Variants in GNL3 observed in about 807,000 individuals in gnomAD.
The protein encoded by GNL3 is G protein nucleolar 3.
A neutral mutation model predicts 70.6 loss-of-function variants in GNL3; 77 were observed. The ratio of observed to expected loss-of-function variants is 1.09; its 90% CI spans 0.91 to 1.32. The LOEUF (loss-of-function observed/expected upper bound fraction) is 1.32, where lower values mean the gene tolerates loss of function less well. Among genes scored for constraint, GNL3 ranks in the 40% most tolerant of loss-of-function variants. GNL3 has a pLI of 0.00. For synonymous variants in GNL3, 252 were observed against 216.1 expected, an observed-to-expected ratio of 1.17 and a Z score of -1.46; for missense variants, 634 against 644.0, an observed-to-expected ratio of 0.98 and a Z score of 0.17.
intron 4 of GNL3, 104 bp from the exon 5 acceptor site, chr3:52,688,005 C>T: frequency 2.7e-6 from 2 of 729,174 alleles, no homozygotes; most frequent in South Asian, 1.5e-5. Flanking sequence ...TCCATCTTAC[C>T]TATTTAACAA....
chr3:52,688,018 G>A (rs1578573017), intron 4 of GNL3, 91 bp from the exon 5 acceptor site: 2 of 771,492 alleles, frequency 2.6e-6, no homozygotes, highest in East Asian at 4.9e-5. Flanking sequence ...TTTAACAACT[G>A]CAAGGGCTGC....
chr3:52,687,906 G>C (rs2154099426), intron 4 of GNL3: 1 of 597,362 alleles, frequency 1.7e-6, no homozygotes, highest in South Asian at 2.1e-5. Context: ...GGGCTGTTGT[G>C]CCTGGCTGAG....
At chr3:52,691,477 A>T (rs2097327195) in intron 8 of GNL3, 65 bp from the exon 9 acceptor site, 2 of 915,908 alleles carry the variant, frequency 2.2e-6, no homozygotes, top group East Asian at 4.8e-5. Flanking sequence ...AAAATTAGGC[A>T]GTGAAAATTT....
At chr3:52,687,698 T>C (rs1375976317) in intron 4 of GNL3, 83 bp downstream of exon 4, 1 of 770,746 alleles carries the variant, frequency 1.3e-6, no homozygotes, top group Non-Finnish European at 2.2e-6. Flanking sequence ...AGTGGCACAA[T>C]CACAACTCAC....
At position 52,686,346 on chromosome 3, in the gene GNL3, G is replaced by C. The variant is rs943006091; in HGVS notation, c.13+241G>C. ...GCAGAGGGTGGGGAAGACTAGGCTA[G>C]ATTTTCGTAAGGAAGCAGCGTCTGA... On this transcript the variant is annotated intron_variant, in intron 1 of 14. Transcript: ENST00000418458. 3 of 594,412 alleles carry C rather than the reference G, an allele frequency of 5.0e-6. No homozygotes were observed. The African/African-American group carries it at 5.6e-5, about 11-fold the overall frequency. The allele number at this position is 594,412 out of a possible 1,614,324, so 36.8% of individuals were successfully genotyped here.
chr3:52,690,029 G>A (rs966430261), intron 6 of GNL3, among the ~76,000 whole-genome samples: 1 of 152,294 alleles, frequency 6.6e-6, no homozygotes, highest in South Asian at 2.1e-4. Context: ...TAATCCAGAC[G>A]TTGAGTCTGT....
rs201281677 is a variant in GNL3 at position 52,693,620 on chromosome 3, T to G, written c.1325-12T>G. The G allele has an allele frequency of 6.2e-7, 1 of 1,613,890 alleles. No individual in the cohort carries two copies. The highest frequency in any genetic ancestry group is 1.1e-5 in the South Asian group (1 of 91,082). Reference sequence around the variant, plus strand: ...CTCTTACCTGTTTACATGGGCTTGCTTTCTTTCCCAGCCATCAAGGGCCCT... The same window carrying G: ...CTCTTACCTGTTTACATGGGCTTGCGTTCTTTCCCAGCCATCAAGGGCCCT... On this transcript the variant is annotated splice_polypyrimidine_tract_variant and intron_variant, in intron 12 of 14. Coordinates refer to ENST00000418458, the MANE Select transcript of GNL3 (RefSeq NM_014366.5).
At position 52,693,619 on chromosome 3, in the gene GNL3, C is replaced by T. The variant is rs1362003403; in HGVS notation, c.1325-13C>T. On this transcript the variant is annotated splice_polypyrimidine_tract_variant and intron_variant, in intron 12 of 14. Transcript: ENST00000418458. ...GCTCTTACCTGTTTACATGGGCTTG[C>T]TTTCTTTCCCAGCCATCAAGGGCCC... The T allele has an allele frequency of 6.2e-7, 1 of 1,613,800 alleles. No individual in the cohort carries two copies.
chr3:52,691,304 G>A (rs1420944163), intron 8 of GNL3: 2 of 605,006 alleles, frequency 3.3e-6, no homozygotes, highest in Non-Finnish European at 5.8e-6. Context: ...ACTGATTACT[G>A]TAGGAAGCTG....
At chr3:52,686,873 T>A in intron 2 of GNL3, 46 bp downstream of exon 2, 1 of 1,401,836 alleles carries the variant, frequency 7.1e-7, no homozygotes, top group Non-Finnish European at 1.0e-6. Context: ...ATTGCTAAAC[T>A]GATTTTGCCC....
rs1335175932 is a variant in GNL3, at chr3:52,688,103, C to T, written c.325-6C>T. The stretch of plus-strand genomic sequence containing the variant: ...ATTTTGTGTTATTTCCCCCTTTATC[C>T]TCTAGGAGTTTGGGCTTTGCAAAAC... On this transcript the variant is annotated splice_polypyrimidine_tract_variant and splice_region_variant and intron_variant, in intron 4 of 14. Transcript: ENST00000418458. 2 of 1,562,592 alleles carry T rather than the reference C, an allele frequency of 1.3e-6. No homozygotes were observed. Among genetic ancestry groups the T allele is most frequent in the East Asian group, 2.2e-5 (1 of 44,634 alleles).
intron 5 of GNL3, 82 bp from the exon 6 acceptor site, chr3:52,688,991 TG>T: frequency 8.9e-7 from 1 of 1,120,792 alleles, no homozygotes; most frequent in Non-Finnish European, 1.3e-6. Context: ...TACTCTCTTG[TG>T]GAAGGTATTA....
intron 7 of GNL3, 118 bp from the exon 8 acceptor site, chr3:52,690,827 G>C: frequency 8.4e-7 from 1 of 1,193,442 alleles, no homozygotes. Context: ...TTCAGCCAGA[G>C]ATCATCTGAA....
chr3:52,686,965 C>G (rs555316877), intron 2 of GNL3, 138 bp downstream of exon 2: 33 of 667,490 alleles, frequency 4.9e-5, no homozygotes, highest in Non-Finnish European at 7.7e-5. Flanking sequence ...GGCACAAGCT[C>G]TTAGGCATCA....
intron 8 of GNL3, 194 bp downstream of exon 8, chr3:52,691,265 C>T (rs944860821): frequency 6.5e-6 from 4 of 617,286 alleles, no homozygotes; most frequent in Non-Finnish European, 1.1e-5. Context: ...ACTTACACAA[C>T]TGCTGCCAGA....
chr3:52,688,501 G>A (rs553621847), intron 5 of GNL3, among the ~76,000 whole-genome samples: 7 of 151,942 alleles, frequency 4.6e-5, no homozygotes, highest in Admixed American at 1.3e-4. Flanking sequence ...AGTTTCTTTG[G>A]TTCTAAATAT....
In GNL3 at chr3:52,686,800, C is replaced by T; in HGVS notation, c.45C>T (p.Cys15=). Residue 15 remains cysteine, a synonymous_variant, in exon 2 of 15, where the codon TGC becomes TGT. Transcript: ENST00000418458. ...KLKKASKRMT[C]HKRYKIQKKV... ...AGAAAGCAAGTAAACGCATGACCTGCCATAAGCGGTATAAAATCCAAAAAA... is the reference window on the plus strand; with the variant it reads ...AGAAAGCAAGTAAACGCATGACCTGTCATAAGCGGTATAAAATCCAAAAAA... The T allele has an allele frequency of 6.2e-7, 1 of 1,612,412 alleles. No individual in the cohort carries two copies. The highest frequency in any genetic ancestry group is 1.3e-5 in the African/African-American group (1 of 74,996).
chr3:52,687,042 C>G (rs1471650869), intron 2 of GNL3: 2 of 631,094 alleles, frequency 3.2e-6, no homozygotes, highest in African/African-American at 3.7e-5. Context: ...GCATGTTAAT[C>G]TCTGCATAGA....
chr3:52,686,989 G>C, intron 2 of GNL3, 162 bp downstream of exon 2: 1 of 637,878 alleles, frequency 1.6e-6, no homozygotes, highest in Non-Finnish European at 2.8e-6. Flanking sequence ...GTGCAGCTGT[G>C]AGAAAGTGCA....
Sources: gnomAD v4.1 joint callset for allele counts (sites outside exome capture counted in the v4.1 genomes callset) on GRCh38, gnomAD v4.1.1 for gene constraint, MANE v1.5 for transcripts, NCBI Gene and HGNC (gene_info 2026-07-23, HGNC 2026-07-21) for gene names.